ARHGEF3: variants seen among roughly 807,000 people sequenced by gnomAD.
The protein encoded by ARHGEF3 is 59.8 kDA protein.
Under a neutral mutation model 63.2 loss-of-function variants are expected in ARHGEF3, and 28 were observed. The observed-to-expected ratio is 0.44, with a 90% CI of 0.33 to 0.61. The LOEUF is 0.61. Among genes scored for constraint, ARHGEF3 ranks in the 20% least tolerant of loss-of-function variants. The probability of loss-of-function intolerance (pLI) is 0.03; values close to 1 mark genes in which losing one functional copy is unlikely to be tolerated. For synonymous variants in ARHGEF3, 266 were observed against 254.2 expected, an observed-to-expected ratio of 1.05 and a Z score of -0.44; for missense variants, 533 against 659.3, an observed-to-expected ratio of 0.81 and a Z score of 2.10.
chr3:56,899,486 G>T (rs2041433613), intron 3 of ARHGEF3, among the ~76,000 whole-genome samples: 1 of 152,078 alleles, frequency 6.6e-6, no homozygotes, highest in African/African-American at 2.4e-5. Context: ...ATAGCACCTA[G>T]TTAGAATTTA....
intron 2 of ARHGEF3, among the ~76,000 whole-genome samples, chr3:56,760,423 A>G (rs1406311410): frequency 2.0e-5 from 3 of 152,184 alleles, no homozygotes; most frequent in Non-Finnish European, 4.4e-5. Context: ...CGGCATGGGA[A>G]AAAAGAGAGC....
chr3:56,825,314 A>T (rs2038672264), intron 4 of ARHGEF3, among the ~76,000 whole-genome samples: 1 of 152,220 alleles, frequency 6.6e-6, no homozygotes, highest in African/African-American at 2.4e-5. Context: ...CACAAGCTAT[A>T]GAATATTCAG....
At chr3:56,843,845 A>G (rs2039396408) in intron 4 of ARHGEF3, among the ~76,000 whole-genome samples, 1 of 152,190 alleles carries the variant, frequency 6.6e-6, no homozygotes, top group African/African-American at 2.4e-5. Context: ...AATTTCAGGA[A>G]AAGTAATACA....
intron 4 of ARHGEF3, among the ~76,000 whole-genome samples, chr3:56,863,670 A>G (rs1002929495): frequency 4.6e-5 from 7 of 151,952 alleles, no homozygotes; most frequent in Admixed American, 4.6e-4. Flanking sequence ...CCTGGCCTCA[A>G]GTGACCCACC....
chr3:56,764,395 G>A (rs549433012), intron 2 of ARHGEF3, among the ~76,000 whole-genome samples: 1 of 152,170 alleles, frequency 6.6e-6, no homozygotes, highest in Non-Finnish European at 1.5e-5. Context: ...GAACAGCAGT[G>A]AGGTGGGATG....
At chr3:56,850,090 C>G (rs1559991019) in intron 4 of ARHGEF3, among the ~76,000 whole-genome samples, 1 of 152,158 alleles carries the variant, frequency 6.6e-6, no homozygotes, top group Non-Finnish European at 1.5e-5. Context: ...CAACACTGTT[C>G]CTAAGCCCTA....
At chr3:57,073,908 T>C (rs1168350158) in intron 1 of ARHGEF3, 2 of 1,614,164 alleles carry the variant, frequency 1.2e-6, no homozygotes, top group Non-Finnish European at 1.7e-6. Context: ...AGAGCTGACA[T>C]TTCAGGGGGA....
intron 2 of ARHGEF3, among the ~76,000 whole-genome samples, chr3:56,977,629 T>C (rs1178812298): frequency 1.3e-5 from 2 of 151,980 alleles, no homozygotes; most frequent in East Asian, 3.9e-4. Context: ...GACAGGGAGA[T>C]GGGGCTCATG....
intron 1 of ARHGEF3, among the ~76,000 whole-genome samples, chr3:56,776,962 A>G (rs989495318): frequency 4.6e-5 from 7 of 152,382 alleles, no homozygotes; most frequent in Admixed American, 2.0e-4. Context: ...CATTCTGTAT[A>G]GACAGTATTT....
At chr3:56,894,239 T>C (rs990812585) in intron 3 of ARHGEF3, among the ~76,000 whole-genome samples, 2 of 152,232 alleles carry the variant, frequency 1.3e-5, no homozygotes, top group African/African-American at 4.8e-5. Context: ...CTGGGTCCGC[T>C]CAACTGTGTT....
intron 2 of ARHGEF3, among the ~76,000 whole-genome samples, chr3:57,003,886 G>T (rs1702363133): frequency 6.6e-6 from 1 of 152,200 alleles, no homozygotes; most frequent in African/African-American, 2.4e-5. Flanking sequence ...CAAGCCTGCT[G>T]GCATCTGGAC....
At chr3:56,795,264 A>G (rs2037292524) in intron 1 of ARHGEF3, among the ~76,000 whole-genome samples, 1 of 152,174 alleles carries the variant, frequency 6.6e-6, no homozygotes, top group South Asian at 2.1e-4. Context: ...TGGATCTGGC[A>G]GCAGATAAGA....
intron 2 of ARHGEF3, among the ~76,000 whole-genome samples, chr3:57,032,543 T>C (rs1266255429): frequency 1.3e-5 from 2 of 152,284 alleles, no homozygotes; most frequent in Admixed American, 6.5e-5. Context: ...ACTCTTTGGG[T>C]TGGTTTTGAA....
At chr3:56,800,650 G>A (rs1203669675) in intron 1 of ARHGEF3, among the ~76,000 whole-genome samples, 3 of 152,354 alleles carry the variant, frequency 2.0e-5, no homozygotes, top group South Asian at 4.1e-4. Flanking sequence ...AGGAAGGCGA[G>A]TGGGTGGAAC....
At chr3:56,871,734 T>C (rs1312578499) in intron 4 of ARHGEF3, among the ~76,000 whole-genome samples, 4 of 152,124 alleles carry the variant, frequency 2.6e-5, no homozygotes, top group African/African-American at 9.7e-5. Context: ...ACAGACTGAG[T>C]GTCTTAAGCA....
chr3:56,857,535 T>C (rs2039927981), intron 4 of ARHGEF3, among the ~76,000 whole-genome samples: 1 of 152,152 alleles, frequency 6.6e-6, no homozygotes, highest in Admixed American at 6.5e-5. Context: ...CTTGTGTGTT[T>C]GGTGATAGTT....
At chr3:56,750,946 C>T in intron 6 of ARHGEF3, 110 bp downstream of exon 6, 3 of 769,550 alleles carry the variant, frequency 3.9e-6, no homozygotes, top group Non-Finnish European at 5.5e-6. Flanking sequence ...TGATGTGAAA[C>T]CAACATTTGT....
chr3:57,073,764 C>T (rs1579226358), intron 1 of ARHGEF3: 1 of 1,614,262 alleles, frequency 6.2e-7, no homozygotes, highest in East Asian at 2.2e-5. Context: ...AATGAAGGCA[C>T]TAGACTCTTC....
At chr3:56,829,130 T>G (rs2038840197) in intron 4 of ARHGEF3, among the ~76,000 whole-genome samples, 1 of 152,116 alleles carries the variant, frequency 6.6e-6, no homozygotes. Flanking sequence ...TCCATCATGT[T>G]GGCCAGGCTG....
Sources: allele counts gnomAD v4.1 joint callset (sites outside exome capture counted in the v4.1 genomes callset), GRCh38; gene constraint gnomAD v4.1.1; transcripts MANE v1.5; gene names NCBI Gene and HGNC (gene_info 2026-07-23, HGNC 2026-07-21).